Variants in TLR6 observed in about 807,000 individuals in gnomAD.
The protein encoded by TLR6 is toll-like receptor 6.
A neutral mutation model predicts 16.1 loss-of-function variants in TLR6; 9 were observed. That is an observed-to-expected ratio of 0.56 (90% confidence interval 0.34 to 0.98). The LOEUF (loss-of-function observed/expected upper bound fraction) is 0.98. TLR6 is among the 50% of genes least tolerant of loss of function. The pLI is 0.02. For missense variants in TLR6, 786 were observed against 921.0 expected, an observed-to-expected ratio of 0.85 and a Z score of 1.90; for synonymous variants, 340 against 338.6, an observed-to-expected ratio of 1.00 and a Z score of -0.04.
chr4:38,861,172 C>T (rs1219798857), upstream of TLR6, among the ~76,000 whole-genome samples: 2 of 151,868 alleles, frequency 1.3e-5, no homozygotes, highest in Admixed American at 6.6e-5. Context: ...TCTAGTGAGC[C>T]CCATCACTTC....
chr4:38,843,814 A>T lies in TLR6; in HGVS notation c.-65+12947T>A, dbSNP rs1419509336. On this transcript the variant is annotated intron_variant, in intron 1 of 1. Coordinates refer to ENST00000436693, the Ensembl canonical transcript of TLR6. ...CCACTGAAAACAAAGAAGCACAGAA[A>T]TGTAATGGCAGGATCCAGGAGCATC... 2.6e-5 allele frequency: 4 copies of T among 152,256 alleles called. No individual in the cohort carries two copies. In the East Asian group the frequency reaches 7.7e-4, roughly 29 times the overall value. 9.4% of individuals were successfully genotyped at this position (152,256 alleles called of 1,614,324 possible). A position where few individuals can be genotyped will look rare whatever the true frequency, so the allele number is the denominator to read the frequency against.
chr4:38,824,729 A>G (rs1324715336), exon 2 of TLR6: 1 of 152,238 alleles, frequency 6.6e-6, no homozygotes, highest in African/African-American at 2.4e-5. Context: ...GCTAATGCAG[A>G]CAGAAGATGA....
At chr4:38,845,615 G>A (rs1712492231) in intron 1 of TLR6, among the ~76,000 whole-genome samples, 1 of 152,198 alleles carries the variant, frequency 6.6e-6, no homozygotes, top group Non-Finnish European at 1.5e-5. Context: ...CTAGAAGTTT[G>A]AAAAGGCAAG....
chr4:38,827,036 T>C, exon 2 of TLR6: 1 of 1,400,106 alleles, frequency 7.1e-7, no homozygotes. Context: ...CTATTCACCA[T>C]CATCCAAGTA....
At chr4:38,868,082 G>A in the TLR6 span, 126 of 416,126 alleles carry the variant, frequency 3.0e-4, 2 homozygotes, top group South Asian at 2.1e-3. Context: ...AGTGTGTGTC[G>A]CTCCGGGTCC....
chr4:38,848,122 C>CA (rs147829722), intron 1 of TLR6, among the ~76,000 whole-genome samples: 30,868 of 152,122 alleles, frequency 0.2, 3,958 homozygotes, highest in Non-Finnish European at 0.28. Context: ...ATTTGCTGTT[C>CA]AGCAATATTC....
chr4:38,846,088 CAA>C lies in TLR6; in HGVS notation c.-65+10671_-65+10672del, dbSNP rs10713614. Among the ~76,000 whole-genome samples, 733 of 97,022 alleles carry C rather than the reference CAA, an allele frequency of 7.6e-3. 6 individuals are homozygous for C. The highest frequency in any genetic ancestry group is 0.022 in the African/African-American group (601 of 27,700). The allele number at this position is 97,022 out of a possible 152,430, so 63.7% of individuals were successfully genotyped here. ...GGCTGGGCCACAGAGCGAGACATCT[CAA>C]AAAAAAAAAAAAAAAAAGAAAAGAA... is the stretch of plus-strand genomic sequence containing the variant. On this transcript the variant is annotated intron_variant, in intron 1 of 1. Transcript: ENST00000436693.
At chr4:38,842,602 G>T (rs1241121234) in intron 1 of TLR6, among the ~76,000 whole-genome samples, 1 of 152,116 alleles carries the variant, frequency 6.6e-6, no homozygotes, top group Non-Finnish European at 1.5e-5. Flanking sequence ...GCTCTGATCC[G>T]CACAGAAAAG....
intron 1 of TLR6, among the ~76,000 whole-genome samples, chr4:38,853,222 G>A (rs1411258256): frequency 7.8e-6 from 1 of 127,810 alleles, no homozygotes; most frequent in East Asian, 2.4e-4. Context: ...ACACACTGGG[G>A]CCTGTCGTGG....
chr4:38,840,029 C>T (rs1712173907), intron 1 of TLR6, among the ~76,000 whole-genome samples: 1 of 152,200 alleles, frequency 6.6e-6, no homozygotes, highest in Non-Finnish European at 1.5e-5. Context: ...ATCCTCAAAT[C>T]ATAATGACCT....
the TLR6 span, among the ~76,000 whole-genome samples, chr4:38,862,283 A>ATTTTTTT: frequency 6.6e-6 from 1 of 151,120 alleles, no homozygotes; most frequent in Non-Finnish European, 1.5e-5. Context: ...TTCCAATCAC[A>ATTTTTTT]TTTTTTTTTA....
intron 1 of TLR6, among the ~76,000 whole-genome samples, chr4:38,851,413 A>AGGGT: frequency 6.6e-6 from 1 of 152,348 alleles, no homozygotes; most frequent in East Asian, 1.9e-4. Context: ...AAAGAAATAA[A>AGGGT]GGGTATTCAA....
At chr4:38,858,784 A>C (rs1456997585), upstream of TLR6, among the ~76,000 whole-genome samples, 1 of 52,476 alleles carries the variant, frequency 1.9e-5, no homozygotes, top group African/African-American at 1.4e-4. Flanking sequence ...AGGGAGAGAG[A>C]GAGAGAGGGA....
chr4:38,833,590 G>T (rs1481613379), intron 1 of TLR6, among the ~76,000 whole-genome samples: 1 of 152,212 alleles, frequency 6.6e-6, no homozygotes, highest in African/African-American at 2.4e-5. Context: ...GGAAGCAGCA[G>T]CTATTACATC....
At chr4:38,832,960 G>A (rs1271471027) in intron 1 of TLR6, among the ~76,000 whole-genome samples, 1 of 152,058 alleles carries the variant, frequency 6.6e-6, no homozygotes, top group Non-Finnish European at 1.5e-5. Flanking sequence ...GCCTCCAAGG[G>A]GCCTGAGGAC....
At chr4:38,832,246 CAGTG>C in intron 1 of TLR6, among the ~76,000 whole-genome samples, 1 of 152,236 alleles carries the variant, frequency 6.6e-6, no homozygotes, top group African/African-American at 2.4e-5. Context: ...AGGACCAAAA[CAGTG>C]AGCAGATAAT....
chr4:38,823,861 A>T (rs1308071222), exon 2 of TLR6: 1 of 152,420 alleles, frequency 6.6e-6, no homozygotes, highest in East Asian at 1.9e-4. Flanking sequence ...GGTGAGGCAC[A>T]GAGAAGGGCT....
At chr4:38,829,285 G>A (rs1157660220) in exon 2 of TLR6, 3 of 1,614,224 alleles carry the variant, frequency 1.9e-6, no homozygotes, top group Middle Eastern at 1.6e-4. Context: ...GCTCAGCGAT[G>A]TAGTTCTGAG....
chr4:38,866,715 A>C, the TLR6 span, among the ~76,000 whole-genome samples: 3 of 152,112 alleles, frequency 2.0e-5, no homozygotes, highest in African/African-American at 7.2e-5. Flanking sequence ...ATACGTCAAC[A>C]TCTCGCCATT....
Sources: gnomAD v4.1 joint callset for allele counts (sites outside exome capture counted in the v4.1 genomes callset) on GRCh38, gnomAD v4.1.1 for gene constraint, MANE v1.5 for transcripts, NCBI Gene and HGNC (gene_info 2026-07-23, HGNC 2026-07-21) for gene names.